Variants in TERT observed in about 807,000 individuals in gnomAD.
The protein encoded by TERT is telomerase catalytic subunit.
In TERT, 42 loss-of-function variants were observed where a neutral mutation model predicts 104.0. That is an observed-to-expected ratio of 0.40 (90% CI 0.32 to 0.52). The LOEUF (loss-of-function observed/expected upper bound fraction) is 0.52, where lower values mean the gene tolerates loss of function less well. Among genes scored for constraint, TERT ranks in the 20% least tolerant of loss-of-function variants. The pLI, the probability that TERT is intolerant of heterozygous loss-of-function variation, is 0.43. For missense variants in TERT, 1,101 were observed against 1,610.3 expected (o/e 0.68, Z 5.41); for synonymous variants, 781 against 725.6 (o/e 1.08, Z -1.23).
chr5:1,274,940 G>C lies in TERT; in HGVS notation c.2287-2660C>G, dbSNP rs2126629981. Among the ~76,000 whole-genome samples the C allele has an allele frequency of 6.6e-6, 1 of 152,330 alleles. No individual in the cohort carries two copies. Among genetic ancestry groups the C allele is most frequent in the East Asian group, 1.9e-4 (1 of 5,180 alleles). On this transcript the variant is annotated intron_variant, in intron 6 of 15. Transcript: ENST00000310581. The surrounding 1 kb of genome is among the most constrained non-coding windows in gnomAD (Gnocchi z 5.3). ...ACACCAATTACGCAGGAAACAGCCG[G>C]GAAATCAGCACACGTGAAACTCTTC... is the stretch of plus-strand genomic sequence containing the variant.
rs762534978 is a variant in TERT at position 1,278,785 on chromosome 5, C to T, written c.2142G>A (p.Thr714=). 1.5e-5 allele frequency: 24 copies of T among 1,614,110 alleles called. No individual in the cohort carries two copies. The highest frequency in any genetic ancestry group is 6.7e-5 in the East Asian group (3 of 44,878). The stretch of plus-strand genomic sequence containing the variant: ...CCTGGGGGATGGTGTCGTACGCGCC[C>T]GTCACATCCACCTGTGTGAGTGGAG... The part of the protein sequence containing the change: ...PELYFVKVDV[T]GAYDTIPQDR... Residue 714 remains threonine, a synonymous_variant, in exon 6 of 16, where the codon ACG becomes ACA. Coordinates refer to ENST00000310581, the MANE Select transcript of TERT (RefSeq NM_198253.3).
Position 1,268,741 on chromosome 5 carries a change from G to A in TERT, c.2469-108C>T, listed in dbSNP as rs1395806936. ...AGAACCTCATACACACAAACGACAC[G>A]TCTACCATTCAGCCGGCAAACACCT... On this transcript the variant is annotated intron_variant, in intron 8 of 15. Transcript: ENST00000310581. This position sits in a 1 kb window ranked among gnomAD's most constrained non-coding sequence, Gnocchi z 5.5. 45 of 720,534 alleles carry A rather than the reference G, an allele frequency of 6.2e-5. No individual in the cohort carries two copies. Among genetic ancestry groups the A allele is most frequent in the East Asian group, 3.3e-4 (12 of 36,660 alleles). 44.6% of individuals were successfully genotyped at this position (720,534 alleles called of 1,614,324 possible). A position where few individuals can be genotyped will look rare whatever the true frequency, so the allele number is the denominator to read the frequency against.
At chr5:1,271,891 A>C (rs1275307487) in intron 7 of TERT, among the ~76,000 whole-genome samples, 1 of 152,222 alleles carries the variant, frequency 6.6e-6, no homozygotes, top group Admixed American at 6.5e-5. Context: ...TTTGGCCTCA[A>C]GATCAAAACT....
At chr5:1,279,199 C>A in intron 5 of TERT, 92 bp downstream of exon 5, 1 of 1,430,300 alleles carries the variant, frequency 7.0e-7, no homozygotes, top group South Asian at 1.3e-5. Context: ...GCGGCCCACC[C>A]AGGAGTACCT....
Position 1,268,605 on chromosome 5 carries a change from G to C in TERT, c.2497C>G (p.Gln833Glu). The C allele has an allele frequency of 6.2e-7, 1 of 1,613,134 alleles. No homozygotes were observed. The highest frequency in any genetic ancestry group is 8.5e-7 in the Non-Finnish European group (1 of 1,179,864). The change falls in exon 9 of 16, where the codon CAG becomes GAG. Residue 833 changes from glutamine (Q) to glutamate (E), a missense_variant. Coordinates refer to ENST00000310581, the MANE Select transcript of TERT (RefSeq NM_198253.3). This position sits in a 1 kb window ranked among gnomAD's most constrained non-coding sequence, Gnocchi z 5.5. ...KSYVQCQGIP[Q>E]GSILSTLLCS... ...AGCAGCGTGGAGAGGATGGAGCCCTGCGGGATCCCCTGGCACTGGACGTAG... is the reference window on the plus strand; with the variant it reads ...AGCAGCGTGGAGAGGATGGAGCCCTCCGGGATCCCCTGGCACTGGACGTAG...
At chr5:1,271,282 C>G in intron 7 of TERT, 78 bp from the exon 8 acceptor site, 9 of 1,034,298 alleles carry the variant, frequency 8.7e-6, no homozygotes, top group Non-Finnish European at 1.4e-5. Context: ...CCAAGACCCT[C>G]CGTCCCTTTT....
intron 4 of TERT, among the ~76,000 whole-genome samples, 200 bp downstream of exon 4, chr5:1,279,958 C>T (rs945590960): frequency 1.3e-5 from 2 of 152,188 alleles, no homozygotes; most frequent in African/African-American, 4.8e-5. Flanking sequence ...CCCAGGAGCT[C>T]CCCCTACACC....
chr5:1,257,363 C>T lies in TERT; in HGVS notation c.3032+1235G>A, dbSNP rs144786865. Among the ~76,000 whole-genome samples the T allele has an allele frequency of 3.9e-5, 6 of 152,268 alleles. No homozygotes were observed. The highest frequency in any genetic ancestry group is 2.6e-4 in the Admixed American group (4 of 15,306). ...TCATGGCCCAAGGAGGCCCCAAGCA[C>T]GCCAGCTGGACCCTGGGGTCAACCA... On this transcript the variant is annotated intron_variant, in intron 13 of 15. Coordinates refer to ENST00000310581, the MANE Select transcript of TERT (RefSeq NM_198253.3). This position sits in a 1 kb window ranked among gnomAD's most constrained non-coding sequence, Gnocchi z 5.6.
At position 1,264,387 on chromosome 5, in the gene TERT, C is replaced by T. The variant is rs370760096; in HGVS notation, c.2843+17G>A. On this transcript the variant is annotated intron_variant, in intron 11 of 15. Coordinates refer to ENST00000310581, the MANE Select transcript of TERT (RefSeq NM_198253.3). ...CCCAGCCGGGCACAGGCTCCACTTCCGGCCAGGTGCGCTCACCTGGAGTAG... is the reference window on the plus strand; with the variant it reads ...CCCAGCCGGGCACAGGCTCCACTTCTGGCCAGGTGCGCTCACCTGGAGTAG... The T allele has an allele frequency of 4.4e-5, 70 of 1,604,798 alleles. No individual in the cohort carries two copies. The highest frequency in any genetic ancestry group is 1.0e-4 in the South Asian group (9 of 89,960).
In TERT at chr5:1,287,987, A is replaced by C. The variant is rs1335625954; in HGVS notation, c.1573+5326T>G. Among the ~76,000 whole-genome samples, 1 of 152,098 alleles carries C rather than the reference A, an allele frequency of 6.6e-6. No individual in the cohort carries two copies. The highest frequency in any genetic ancestry group is 1.5e-5 in the Non-Finnish European group (1 of 68,030). On this transcript the variant is annotated intron_variant, in intron 2 of 15. Coordinates refer to ENST00000310581, the MANE Select transcript of TERT (RefSeq NM_198253.3). This position sits in a 1 kb window ranked among gnomAD's most constrained non-coding sequence, Gnocchi z 4.3. The stretch of plus-strand genomic sequence containing the variant: ...CCACTACACAACTGAGTTAGAAATC[A>C]ATAATAAAATGATAACTTAAAATAC...
At chr5:1,271,337 G>A (rs773873110) in intron 7 of TERT, 133 bp from the exon 8 acceptor site, 8 of 726,784 alleles carry the variant, frequency 1.1e-5, no homozygotes, top group Middle Eastern at 2.3e-4. Context: ...CTGGAATGCA[G>A]GGCCATCGTG....
chr5:1,253,758 C>T lies in TERT; in HGVS notation c.3369G>A (p.Leu1123=), dbSNP rs529179931. ...CCAGGATGGTCTTGAAGTCTGAGGG[C>T]AGTGCCGGGTTGGCTGCGGCCTCCA... The part of the protein sequence containing the change: ...TALEAAANPA[L]PSDFKTILD The change falls in exon 16 of 16, where the codon CTG becomes CTA. Residue 1123 remains leucine, a synonymous_variant. Transcript: ENST00000310581. 1.1e-5 allele frequency: 18 copies of T among 1,612,166 alleles called. No individual in the cohort carries two copies. In the African/African-American group the frequency reaches 2.0e-4, roughly 18 times the overall value.
chr5:1,288,011 A>G lies in TERT; in HGVS notation c.1573+5302T>C, dbSNP rs1237209088. Among the ~76,000 whole-genome samples, 1 of 152,056 alleles carries G rather than the reference A, an allele frequency of 6.6e-6. No individual in the cohort carries two copies. The highest frequency in any genetic ancestry group is 2.4e-5 in the African/African-American group (1 of 41,374). ...CAATAATAAAATGATAACTTAAAAT[A>G]CTCTACGTATCTTGATACTCTACAT... On this transcript the variant is annotated intron_variant, in intron 2 of 15. Transcript: ENST00000310581. The surrounding 1 kb of genome is among the most constrained non-coding windows in gnomAD (Gnocchi z 5.3).
At chr5:1,278,899 G>C in intron 5 of TERT, 103 bp from the exon 6 acceptor site, 1 of 1,495,102 alleles carries the variant, frequency 6.7e-7, no homozygotes, top group Non-Finnish European at 9.2e-7. Context: ...CTCTCTCTCT[G>C]ACCCCCACCA....
Position 1,280,307 on chromosome 5 carries a change from G to A in TERT, c.1801C>T (p.Leu601=). 6.2e-7 allele frequency: 1 copy of A among 1,613,492 alleles called. No homozygotes were observed. The highest frequency in any genetic ancestry group is 1.3e-5 in the African/African-American group (1 of 75,054). ...QHLKRVQLRE[L]SEAEVRQHRE... is the part of the protein sequence containing the mutation. ...TGCTGCCTGACCTCTGCTTCCGACA[G>A]CTCCCGCAGCTGCACCCTCTTCAAG... Residue 601 remains leucine (L), a synonymous_variant, in exon 4 of 16, where the codon CTG becomes TTG. Transcript: ENST00000310581.
Position 1,283,861 on chromosome 5 carries a change from A to ACGGGGACACCGCACAT in TERT, c.1574-1253_1574-1238dup, listed in dbSNP as rs1436983581. ...CACCCTGGACCTGCACCATCCGGAC[A>ACGGGGACACCGCACAT]CGGGGACACCGCACATCCAGCTCAC... On this transcript the variant is annotated intron_variant, in intron 2 of 15. Coordinates refer to ENST00000310581, the MANE Select transcript of TERT (RefSeq NM_198253.3). 3.0e-5 allele frequency among the ~76,000 whole-genome samples: 4 copies of ACGGGGACACCGCACAT among 135,142 alleles called. No individual in the cohort carries two copies. In the East Asian group the frequency reaches 7.3e-4, roughly 25 times the overall value. The allele number at this position is 135,142 out of a possible 152,430, so 88.7% of individuals were successfully genotyped here.
In TERT at chr5:1,289,232, T is replaced by G. The variant is rs532889167; in HGVS notation, c.1573+4081A>C. Reference sequence around the variant, plus strand: ...GACGGCGCCTCACTCACCCTACACGTGACAGGGACACCCGGGGATGGCGCC... The same window carrying G: ...GACGGCGCCTCACTCACCCTACACGGGACAGGGACACCCGGGGATGGCGCC... On this transcript the variant is annotated intron_variant, in intron 2 of 15. Coordinates refer to ENST00000310581, the MANE Select transcript of TERT (RefSeq NM_198253.3). Among the ~76,000 whole-genome samples the G allele has an allele frequency of 7.3e-5, 9 of 122,468 alleles. No individual in the cohort carries two copies. In the South Asian group the frequency reaches 1.7e-3, roughly 23 times the overall value. 80.3% of individuals were successfully genotyped at this position (122,468 alleles called of 152,430 possible).
chr5:1,279,499 G>A, intron 4 of TERT, 29 bp from the exon 5 acceptor site: 1 of 1,547,666 alleles, frequency 6.5e-7, no homozygotes, highest in Admixed American at 2.0e-5. Flanking sequence ...GAGACAGTCA[G>A]GAAAGTGGAT....
rs1368095577 is a variant in TERT at position 1,279,419 on chromosome 5, C to T, written c.2002G>A (p.Glu668Lys). 1 of 1,551,674 alleles carries T rather than the reference C, an allele frequency of 6.4e-7. No homozygotes were observed. The highest frequency in any genetic ancestry group is 1.9e-5 in the Admixed American group (1 of 51,320). ...AGGAGGCCGGGGCGCCGCGCCCGCT[C>T]GTAGTTGAGCACGCTGAACAGTGCC... ...VKALFSVLNY[E>K]RARRPGLLGA... The change falls in exon 5 of 16, where the codon GAG (glutamate) becomes AAG (lysine). Residue 668 changes from glutamate (E) to lysine (K), a missense_variant. Glu to Lys is a moderately conservative substitution (Grantham distance 56, BLOSUM62 1). Around this residue, in one of 5 missense-constraint regions of TERT, gnomAD observed 463 missense variants for 797.5 expected, o/e 0.58. Coordinates refer to ENST00000310581, the MANE Select transcript of TERT (RefSeq NM_198253.3).
Sources: gnomAD v4.1 joint callset for allele counts (sites outside exome capture counted in the v4.1 genomes callset) on GRCh38, gnomAD v4.1.1 for gene constraint, gnomAD v4.1.1 regional missense constraint, Gnocchi (gnomAD v3.1) non-coding constraint, MANE v1.5 for transcripts, NCBI Gene and HGNC (gene_info 2026-07-23, HGNC 2026-07-21) for gene names.